ZNF536: variants seen among roughly 807,000 people sequenced by gnomAD.
ZNF536 encodes zinc finger protein 536.
Under a neutral mutation model 84.5 loss-of-function variants are expected in ZNF536, and 13 were observed. The observed-to-expected ratio is 0.15, with a 90% CI of 0.10 to 0.24. The LOEUF (loss-of-function observed/expected upper bound fraction) is 0.24. ZNF536 is among the 10% of genes least tolerant of loss of function. ZNF536 has a pLI of 1.00. For missense variants in ZNF536, 1,536 were observed against 1,747.5 expected, an observed-to-expected ratio of 0.88 and a Z score of 2.16; for synonymous variants, 811 against 742.5, an observed-to-expected ratio of 1.09 and a Z score of -1.50.
At chr19:30,462,660 GT>G (rs901928048) in intron 2 of ZNF536, among the ~76,000 whole-genome samples, 26 of 152,148 alleles carry the variant, frequency 1.7e-4, no homozygotes, top group African/African-American at 6.3e-4. Flanking sequence ...ATGTTGCTGT[GT>G]TGGCATGGGA....
intron 2 of ZNF536, among the ~76,000 whole-genome samples, chr19:30,333,101 A>G (rs1291876751): frequency 1.3e-5 from 2 of 152,058 alleles, no homozygotes; most frequent in African/African-American, 2.4e-5. Context: ...TGCCCATGGC[A>G]GATCACGTCA....
intron 2 of ZNF536, among the ~76,000 whole-genome samples, chr19:30,296,954 G>A (rs1237293308): frequency 6.6e-6 from 1 of 152,188 alleles, no homozygotes; most frequent in African/African-American, 2.4e-5. Context: ...GCAGTGGAGA[G>A]GGGAAGGTGA....
intron 1 of ZNF536, among the ~76,000 whole-genome samples, chr19:30,381,027 C>G (rs1317896549): frequency 6.6e-6 from 1 of 152,192 alleles, no homozygotes; most frequent in Admixed American, 6.5e-5. Context: ...CAGGCATGCA[C>G]CACCATACTC....
At chr19:30,347,210 T>C (rs2047774439) in intron 2 of ZNF536, among the ~76,000 whole-genome samples, 1 of 151,958 alleles carries the variant, frequency 6.6e-6, no homozygotes. Flanking sequence ...CCTCAGAAGA[T>C]CAAAGGATTA....
chr19:30,468,984 C>A (rs1425984860), intron 2 of ZNF536, among the ~76,000 whole-genome samples: 3 of 152,232 alleles, frequency 2.0e-5, no homozygotes, highest in African/African-American at 7.2e-5. Flanking sequence ...GGGGCTTTCT[C>A]CCTTCCCTGG....
At chr19:30,408,228 T>A (rs1029744140) in intron 1 of ZNF536, among the ~76,000 whole-genome samples, 2 of 152,234 alleles carry the variant, frequency 1.3e-5, no homozygotes, top group Non-Finnish European at 2.9e-5. Flanking sequence ...CAGGCCATTA[T>A]AGACCATGGG....
chr19:30,568,117 C>A (rs988127578), intron 1 of ZNF536, among the ~76,000 whole-genome samples: 1 of 152,126 alleles, frequency 6.6e-6, no homozygotes, highest in Non-Finnish European at 1.5e-5. Flanking sequence ...CTGCTTTTGC[C>A]CTTTTAGAAA....
chr19:30,240,576 A>G (rs2023873221), intron 1 of ZNF536, among the ~76,000 whole-genome samples: 1 of 152,000 alleles, frequency 6.6e-6, no homozygotes, highest in African/African-American at 2.4e-5. Context: ...CACTGGCCTG[A>G]CCTCCCACTG....
At chr19:30,495,996 A>G (rs2054704368) in intron 2 of ZNF536, among the ~76,000 whole-genome samples, 1 of 152,240 alleles carries the variant, frequency 6.6e-6, no homozygotes, top group Non-Finnish European at 1.5e-5. Flanking sequence ...AACAGCCTCC[A>G]TAATGATGCC....
chr19:30,254,523 ATTT>A (rs35779261), intron 1 of ZNF536, among the ~76,000 whole-genome samples: 1 of 119,806 alleles, frequency 8.3e-6, no homozygotes, highest in African/African-American at 3.0e-5. Flanking sequence ...AGAACCTTTG[ATTT>A]TTTTTTTTTT....
intron 1 of ZNF536, among the ~76,000 whole-genome samples, chr19:30,684,183 C>T (rs980051551): frequency 1.3e-5 from 2 of 152,038 alleles, no homozygotes; most frequent in Non-Finnish European, 1.5e-5. Flanking sequence ...CACCCAGGCT[C>T]GAGTGCAATG....
In ZNF536 at chr19:30,445,575, G is replaced by A. The variant is rs753721130; in HGVS notation, c.2013G>A (p.Arg671=). ...GGCTGCACGTGGGCCTGGATGAGCG[G>A]CGTGGCTCGGGCAGTGACCAGGAGT... ...EDGLHVGLDE[R]RGSGSDQESQ... is the part of the protein sequence containing the mutation. Residue 671 remains arginine (R), a synonymous_variant, in exon 2 of 5, where the codon CGG becomes CGA. Coordinates refer to ENST00000355537, the MANE Select transcript of ZNF536 (RefSeq NM_014717.3). This position sits in a 1 kb window ranked among gnomAD's most constrained non-coding sequence, Gnocchi z 4.5. 20 of 1,613,136 alleles carry A rather than the reference G, an allele frequency of 1.2e-5. No individual in the cohort carries two copies. In the Admixed American group the frequency reaches 3.0e-4, roughly 24 times the overall value.
chr19:30,598,018 T>A (rs748990087), intron 1 of ZNF536, among the ~76,000 whole-genome samples: 2 of 152,198 alleles, frequency 1.3e-5, no homozygotes, highest in Non-Finnish European at 2.9e-5. Context: ...TGTATATACA[T>A]TGTTGTTGAT....
chr19:30,640,089 A>AT, intron 1 of ZNF536, among the ~76,000 whole-genome samples: 1 of 152,276 alleles, frequency 6.6e-6, no homozygotes, highest in South Asian at 2.1e-4. Context: ...CTACCAAAAA[A>AT]TACAAAAATT....
At chr19:30,373,483 G>C (rs1283478781) in intron 1 of ZNF536, among the ~76,000 whole-genome samples, 1 of 151,936 alleles carries the variant, frequency 6.6e-6, no homozygotes, top group African/African-American at 2.4e-5. Context: ...GCCTGTCAAA[G>C]AAATAAGAAC....
rs756533351 is a variant in ZNF536 at position 30,443,934 on chromosome 19, C to G, written c.372C>G (p.Ala124=). 20 of 1,613,700 alleles carry G rather than the reference C, an allele frequency of 1.2e-5. No individual in the cohort carries two copies. In the East Asian group the frequency reaches 3.6e-4, roughly 29 times the overall value. Residue 124 remains alanine, a synonymous_variant, in exon 2 of 5, where the codon GCC becomes GCG. Transcript: ENST00000355537. The part of the protein sequence containing the change: ...MSQMSDIEDD[A]RKNRKYPCPL... ...AGATGAGCGACATCGAGGACGACGC[C>G]CGCAAGAACCGCAAGTACCCGTGCC...
chr19:30,321,323 G>A (rs1026952524), intron 2 of ZNF536, among the ~76,000 whole-genome samples: 4 of 152,218 alleles, frequency 2.6e-5, no homozygotes, highest in East Asian at 1.9e-4. Flanking sequence ...TTAGGCGGCC[G>A]AGGTGGGAGG....
chr19:30,291,891 T>G (rs2045852016), intron 2 of ZNF536, among the ~76,000 whole-genome samples: 1 of 152,208 alleles, frequency 6.6e-6, no homozygotes, highest in Non-Finnish European at 1.5e-5. Context: ...AAAATAATAT[T>G]TCGTGATACC....
intron 2 of ZNF536, among the ~76,000 whole-genome samples, chr19:30,471,908 A>ATT (rs144169871): frequency 4.7e-5 from 7 of 150,454 alleles, no homozygotes; most frequent in African/African-American, 1.7e-4. Context: ...TCAAAGCAGC[A>ATT]TTTTTTTTTT....
Sources: allele counts gnomAD v4.1 joint callset (sites outside exome capture counted in the v4.1 genomes callset), GRCh38; gene constraint gnomAD v4.1.1; non-coding constraint Gnocchi (gnomAD v3.1); transcripts MANE v1.5; gene names NCBI Gene and HGNC (gene_info 2026-07-23, HGNC 2026-07-21).